The following TBCE variants were observed in gnomAD, a reference collection of about 807,000 sequenced individuals.
TBCE encodes tubulin-specific chaperone E.
TBCE carries 53 observed loss-of-function variants against 77.0 expected under a neutral mutation model. That is an observed-to-expected ratio of 0.69 (90% CI 0.55 to 0.87). TBCE has a LOEUF of 0.87. Ranked by LOEUF, TBCE falls within the 40% of genes least tolerant of loss-of-function variation. The pLI, the probability that TBCE is intolerant of heterozygous loss-of-function variation, is 0.00. For synonymous variants in TBCE, 235 were observed against 241.3 expected, an observed-to-expected ratio of 0.97 and a Z score of 0.24; for missense variants, 624 against 622.4, an observed-to-expected ratio of 1.00 and a Z score of -0.03.
chr1:235,376,516 G>A (rs866776316), intron 1 of TBCE, among the ~76,000 whole-genome samples: 98 of 152,286 alleles, frequency 6.4e-4, no homozygotes, highest in African/African-American at 2.2e-3. Flanking sequence ...ATTTCTTGTA[G>A]GAGTGGAGTT....
chr1:235,436,579 C>G lies in TBCE; in HGVS notation c.934C>G (p.Leu312Val). ...KTSMFPSLKY[L>V]VVNDNQISQW... ...GTCCATGTTCCCATCCTTGAAGTAC[C>G]TGGTAGTAAACGACAATCAGATATC... Residue 312 changes from leucine to valine, a missense_variant, in exon 11 of 17, where the codon CTG (leucine) becomes GTG (valine). Coordinates refer to ENST00000642610, the MANE Select transcript of TBCE (RefSeq NM_003193.5). 1 of 1,613,972 alleles carries G rather than the reference C, an allele frequency of 6.2e-7. No homozygotes were observed.
intron 2 of TBCE, among the ~76,000 whole-genome samples, chr1:235,386,311 CATTCTCTGT>C (rs1217549388): frequency 6.6e-6 from 1 of 152,074 alleles, no homozygotes; most frequent in Non-Finnish European, 1.5e-5. Flanking sequence ...ATCTTTGTGG[CATTCTCTGT>C]ATTTTCTGAA....
chr1:235,414,868 C>T (rs1423607497), intron 4 of TBCE: 2 of 463,062 alleles, frequency 4.3e-6, no homozygotes, highest in Non-Finnish European at 4.0e-6. Flanking sequence ...TTACTATTCA[C>T]ATCATATTAT....
chr1:235,369,199 C>T (rs1676743394), intron 1 of TBCE, among the ~76,000 whole-genome samples: 1 of 152,130 alleles, frequency 6.6e-6, no homozygotes. Context: ...AAGGACTACA[C>T]ATTTCACCTG....
chr1:235,402,724 A>G (rs1679188049), intron 3 of TBCE, among the ~76,000 whole-genome samples: 1 of 152,102 alleles, frequency 6.6e-6, no homozygotes, highest in African/African-American at 2.4e-5. Context: ...TCCTGGGCTC[A>G]AGTGATCTTC....
At chr1:235,404,424 A>G (rs894614311) in intron 3 of TBCE, among the ~76,000 whole-genome samples, 7 of 151,872 alleles carry the variant, frequency 4.6e-5, no homozygotes, top group African/African-American at 7.3e-5. Flanking sequence ...CTCATCATAA[A>G]AAAAAAAAAG....
At chr1:235,408,502 T>TTAC (rs35828005) in intron 3 of TBCE, among the ~76,000 whole-genome samples, 20,777 of 151,484 alleles carry the variant, frequency 0.14, 1,739 homozygotes, top group African/African-American at 0.23. Flanking sequence ...TTCAAAAAGG[T>TTAC]GGTAGCTCTG....
intron 2 of TBCE, 131 bp from the exon 3 acceptor site, chr1:235,401,372 G>A (rs1679090827): frequency 1.3e-6 from 1 of 753,236 alleles, no homozygotes; most frequent in Non-Finnish European, 2.3e-6. Context: ...AGGCTAACTT[G>A]TCCATTCCCT....
chr1:235,428,985 A>ATATAT (rs1553338383), intron 6 of TBCE: 1 of 102,336 alleles, frequency 9.8e-6, no homozygotes, highest in Non-Finnish European at 1.8e-5. Flanking sequence ...ATATATATAT[A>ATATAT]TTTTTTTTTT....
chr1:235,406,222 C>T (rs2102866317), intron 3 of TBCE, among the ~76,000 whole-genome samples: 1 of 152,272 alleles, frequency 6.6e-6, no homozygotes, highest in South Asian at 2.1e-4. Flanking sequence ...TGGAGAACCA[C>T]TGGTCTGGAC....
At position 235,432,381 on chromosome 1, in the gene TBCE, C is replaced by T. The variant is rs1272265326; in HGVS notation, c.660+1577C>T. 4.6e-5 allele frequency among the ~76,000 whole-genome samples: 7 copies of T among 152,324 alleles called. No individual in the cohort carries two copies. In the East Asian group the frequency reaches 1.2e-3, roughly 25 times the overall value. On this transcript the variant is annotated intron_variant, in intron 7 of 16. Coordinates refer to ENST00000642610, the MANE Select transcript of TBCE (RefSeq NM_003193.5). ...GGCCACTCAGTGAGAGACAGGTGGG[C>T]CCCTTGTGCCCTTAATATGCCCGTG... is the stretch of plus-strand genomic sequence containing the variant.
At position 235,441,216 on chromosome 1, in the gene TBCE, T is replaced by A. The variant is rs574977163; in HGVS notation, c.1271-598T>A. The A allele has an allele frequency of 9.2e-4, 142 of 153,902 alleles. 1 individual carries two copies. The highest frequency in any genetic ancestry group is 1.6e-3 in the Non-Finnish European group (111 of 69,140). 9.5% of individuals were successfully genotyped at this position (153,902 alleles called of 1,614,324 possible). ...AGATAGATGGGGGGATTTAGAGAAA[T>A]GTTGTCACTGTTTGGCCTAGAGCAG... On this transcript the variant is annotated intron_variant, in intron 13 of 16. Transcript: ENST00000642610.
At chr1:235,434,314 A>G in intron 8 of TBCE, 34 bp downstream of exon 8, 1 of 1,538,556 alleles carries the variant, frequency 6.5e-7, no homozygotes, top group Non-Finnish European at 9.0e-7. Flanking sequence ...ATCTATCCCC[A>G]TTTAATCATC....
Position 235,380,059 on chromosome 1 carries a change from AC to A in TBCE, c.11del (p.Thr4IlefsTer2). On this transcript the variant is annotated frameshift_variant, in exon 2 of 17. Coordinates refer to ENST00000642610, the MANE Select transcript of TBCE (RefSeq NM_003193.5). LOFTEE classifies it high-confidence loss of function. Reference protein sequence around the residue: MSDTLTADVIGRRV... With the variant: MSDXLTADVIGRRV... ...TTCTGGATATATTATAATGAGTGAC[AC>A]TTTGACAGCGGATGTCATTGGTCGA... 6.2e-7 allele frequency: 1 copy of A among 1,613,630 alleles called. No homozygotes were observed. The highest frequency in any genetic ancestry group is 8.5e-7 in the Non-Finnish European group (1 of 1,179,702).
chr1:235,407,442 G>A lies in TBCE; in HGVS notation c.185+5855G>A, dbSNP rs937708781. On this transcript the variant is annotated intron_variant, in intron 3 of 16. Transcript: ENST00000642610. ...ATATTGTTCTGAAAGAAAGTTCATTGGCACTAGTCAAGTTTTGGAGAGCTG... is the reference window on the plus strand; with the variant it reads ...ATATTGTTCTGAAAGAAAGTTCATTAGCACTAGTCAAGTTTTGGAGAGCTG... Among the ~76,000 whole-genome samples the A allele has an allele frequency of 2.0e-5, 3 of 152,096 alleles. 1 individual carries two copies. Among genetic ancestry groups the A allele is most frequent in the Non-Finnish European group, 4.4e-5 (3 of 68,046 alleles).
chr1:235,448,576 A>T, intron 16 of TBCE, 94 bp from the exon 17 acceptor site: 1 of 1,375,008 alleles, frequency 7.3e-7, no homozygotes, highest in Non-Finnish European at 1.0e-6. Context: ...AGGGTAAGCT[A>T]CTGCCTGGGG....
intron 8 of TBCE, among the ~76,000 whole-genome samples, chr1:235,434,648 T>C (rs990732897): frequency 6.6e-6 from 1 of 151,968 alleles, no homozygotes; most frequent in African/African-American, 2.4e-5. Context: ...GCGATTCTTC[T>C]GCCTCAGCCT....
intron 2 of TBCE, among the ~76,000 whole-genome samples, chr1:235,390,669 G>A (rs1678325995): frequency 6.6e-6 from 1 of 151,504 alleles, no homozygotes; most frequent in African/African-American, 2.4e-5. Context: ...GCTGAGGCAG[G>A]AGAATCGCTT....
At chr1:235,434,629 T>C (rs1478077346) in intron 8 of TBCE, among the ~76,000 whole-genome samples, 1 of 151,466 alleles carries the variant, frequency 6.6e-6, no homozygotes, top group Non-Finnish European at 1.5e-5. Flanking sequence ...CTCCGCCTCC[T>C]GAGTTCAAGC....
Sources: allele counts gnomAD v4.1 joint callset (sites outside exome capture counted in the v4.1 genomes callset), GRCh38; gene constraint gnomAD v4.1.1; transcripts MANE v1.5; gene names NCBI Gene and HGNC (gene_info 2026-07-23, HGNC 2026-07-21).